CPS1: variants seen among roughly 807,000 people sequenced by gnomAD.
CPS1 encodes carbamoyl-phosphate synthase 1, also known as carbamoyl-phosphate synthase [ammonia], mitochondrial.
In CPS1, 109 loss-of-function variants were observed where a neutral mutation model predicts 174.6. The observed-to-expected ratio is 0.62, with a 90% CI of 0.53 to 0.73. The LOEUF (loss-of-function observed/expected upper bound fraction) is 0.73, where lower values mean the gene tolerates loss of function less well. Among genes scored for constraint, CPS1 ranks in the 30% least tolerant of loss-of-function variants. The pLI, the probability that CPS1 is intolerant of heterozygous loss-of-function variation, is 0.00. For missense variants in CPS1, 1,689 were observed against 1,821.9 expected (o/e 0.93, Z 1.33); for synonymous variants, 637 against 632.0 (o/e 1.01, Z -0.12).
intron 7 of CPS1, among the ~76,000 whole-genome samples, chr2:210,589,802 C>A (rs1012690771): frequency 6.6e-6 from 1 of 151,720 alleles, no homozygotes; most frequent in Middle Eastern, 3.4e-3. Context: ...TGGGACCATA[C>A]CTGGCTAATT....
In CPS1 at chr2:210,576,371, G is replaced by A; in HGVS notation, c.262G>A (p.Ala88Thr). 1 of 1,613,686 alleles carries A rather than the reference G, an allele frequency of 6.2e-7. No individual in the cohort carries two copies. The highest frequency in any genetic ancestry group is 8.5e-7 in the Non-Finnish European group (1 of 1,179,686). ...GGYPEAITDPAYKGQILTMAN... is the reference protein window; with the variant it reads ...GGYPEAITDPTYKGQILTMAN... ...GTACCCAGAAGCTATTACTGACCCT[G>A]CCTACAAAGGACAGATTCTCACAAT... The change falls in exon 3 of 38, where the codon GCC becomes ACC. Residue 88 changes from alanine (A) to threonine (T), a missense_variant. Ala to Thr is a moderately conservative substitution (Grantham distance 58). Transcript: ENST00000233072.
chr2:210,621,831 T>C (rs1284163490), intron 21 of CPS1, among the ~76,000 whole-genome samples: 1 of 152,098 alleles, frequency 6.6e-6, no homozygotes. Flanking sequence ...TTAATAATTC[T>C]GAATGCCTTC....
At chr2:210,499,721 C>A (rs1342833818) in intron 1 of CPS1, among the ~76,000 whole-genome samples, 1 of 152,136 alleles carries the variant, frequency 6.6e-6, no homozygotes, top group Non-Finnish European at 1.5e-5. Context: ...TGCTCTCCCT[C>A]AGCCTAGGTT....
At chr2:210,610,431 A>C (rs939375594) in intron 19 of CPS1, among the ~76,000 whole-genome samples, 1 of 151,986 alleles carries the variant, frequency 6.6e-6, no homozygotes, top group Non-Finnish European at 1.5e-5. Flanking sequence ...AATAGATTAT[A>C]GATAATTGAG....
At chr2:210,630,105 C>CA (rs1699823595) in intron 21 of CPS1, among the ~76,000 whole-genome samples, 1 of 143,788 alleles carries the variant, frequency 7.0e-6, no homozygotes, top group Non-Finnish European at 1.5e-5. Flanking sequence ...AAAAAAAAAA[C>CA]AAAACCATGA....
chr2:210,598,457 C>T (rs1427897563), intron 13 of CPS1, among the ~76,000 whole-genome samples: 1 of 151,646 alleles, frequency 6.6e-6, no homozygotes. Flanking sequence ...ATGCTGTCTT[C>T]AAGATACCCA....
At chr2:210,486,373 G>A (rs1302683413) in intron 1 of CPS1, among the ~76,000 whole-genome samples, 1 of 151,974 alleles carries the variant, frequency 6.6e-6, no homozygotes, top group African/African-American at 2.4e-5. Flanking sequence ...AAATGTCTTT[G>A]AAGAGCATCT....
chr2:210,608,250 A>C (rs1169349870), intron 18 of CPS1, 111 bp from the exon 19 acceptor site: 2 of 955,546 alleles, frequency 2.1e-6, no homozygotes, highest in Non-Finnish European at 3.2e-6. Context: ...CAAGTGTCTT[A>C]TACCCTGAAG....
intron 37 of CPS1, 86 bp from the exon 38 acceptor site, chr2:210,677,800 GA>G: frequency 9.4e-7 from 1 of 1,065,344 alleles, no homozygotes; most frequent in East Asian, 2.4e-5. Flanking sequence ...GAAAACTGGG[GA>G]CAGACACTTG....
intron 36 of CPS1, among the ~76,000 whole-genome samples, chr2:210,676,595 C>T (rs895136668): frequency 8.5e-5 from 13 of 152,156 alleles, no homozygotes; most frequent in African/African-American, 3.1e-4. Context: ...GATGTAATAG[C>T]TCCGTGTTTG....
chr2:210,533,664 C>T (rs1696173445), intron 1 of CPS1, among the ~76,000 whole-genome samples: 1 of 152,046 alleles, frequency 6.6e-6, no homozygotes, highest in Non-Finnish European at 1.5e-5. Context: ...TGATAACATG[C>T]TTTTTATCTG....
At chr2:210,554,192 C>T (rs986164424), upstream of CPS1, among the ~76,000 whole-genome samples, 20 of 127,370 alleles carry the variant, frequency 1.6e-4, 2 homozygotes, top group African/African-American at 5.1e-4. Flanking sequence ...TACACACACA[C>T]ATATATATAT....
chr2:210,615,604 A>T (rs573566009), intron 20 of CPS1, among the ~76,000 whole-genome samples: 5 of 152,098 alleles, frequency 3.3e-5, no homozygotes, highest in Non-Finnish European at 5.9e-5. Flanking sequence ...ACACATACAC[A>T]CATACAAGAA....
intron 9 of CPS1, among the ~76,000 whole-genome samples, 198 bp downstream of exon 9, chr2:210,591,104 G>A (rs895927648): frequency 4.0e-5 from 6 of 151,402 alleles, no homozygotes; most frequent in African/African-American, 1.5e-4. Flanking sequence ...CATACCTTAC[G>A]TGGTTGACAG....
chr2:210,674,660 G>A (rs575844838), intron 34 of CPS1: 2 of 541,532 alleles, frequency 3.7e-6, no homozygotes, highest in South Asian at 2.1e-5. Context: ...AGAATAAAAG[G>A]AGATAAGAAC....
chr2:210,666,408 A>C (rs1386452582), intron 33 of CPS1, among the ~76,000 whole-genome samples: 1 of 151,482 alleles, frequency 6.6e-6, no homozygotes, highest in Admixed American at 6.6e-5. Flanking sequence ...GCCCATGCCT[A>C]TGTCCTGAAT....
At chr2:210,562,075 A>G (rs1364999965) in intron 1 of CPS1, among the ~76,000 whole-genome samples, 1 of 152,206 alleles carries the variant, frequency 6.6e-6, no homozygotes, top group African/African-American at 2.4e-5. Flanking sequence ...GCCACATAGC[A>G]GATGCTCAGT....
At chr2:210,582,799 T>A in intron 6 of CPS1, 90 bp downstream of exon 6, 1 of 1,024,250 alleles carries the variant, frequency 9.8e-7, no homozygotes, top group East Asian at 2.4e-5. Context: ...GCAGAGTTTA[T>A]CTTCCAGAAG....
rs183550708 is a variant in CPS1 at position 210,488,406 on chromosome 2, A to C, written c.3+10640A>C. Among the ~76,000 whole-genome samples the C allele has an allele frequency of 1.8e-3, 268 of 152,316 alleles. 1 individual carries two copies. Among genetic ancestry groups the C allele is most frequent in the Middle Eastern group, 6.8e-3 (2 of 294 alleles). On this transcript the variant is annotated intron_variant, in intron 1 of 38. Coordinates refer to the CPS1 transcript ENST00000430249. ...TTGAAAAGCGAGGAAGTGTGACAAC[A>C]TATGACTGGGCCTGTGATTATCATT...
Sources: gnomAD v4.1 joint callset for allele counts (sites outside exome capture counted in the v4.1 genomes callset) on GRCh38, gnomAD v4.1.1 for gene constraint, MANE v1.5 for transcripts, NCBI Gene and HGNC (gene_info 2026-07-23, HGNC 2026-07-21) for gene names.